TUSC3: variants seen among roughly 807,000 people sequenced by gnomAD.
The protein encoded by TUSC3 is dolichyl-diphosphooligosaccharide--protein glycosyltransferase subunit TUSC3.
TUSC3 carries 45 observed loss-of-function variants against 44.8 expected under a neutral mutation model. The ratio of observed to expected loss-of-function variants is 1.00; its 90% CI spans 0.79 to 1.29. TUSC3 has a LOEUF of 1.29. TUSC3 is among the 50% of genes most tolerant of loss of function. TUSC3 has a pLI of 0.00. For synonymous variants in TUSC3, 212 were observed against 152.9 expected (o/e 1.39, Z -2.85); for missense variants, 519 against 437.9 (o/e 1.19, Z -1.65).
intron 1 of TUSC3, among the ~76,000 whole-genome samples, chr8:15,460,725 C>G (rs749686689): frequency 5.9e-5 from 9 of 152,120 alleles, no homozygotes; most frequent in Non-Finnish European, 1.3e-4. Context: ...AGATGAGGAT[C>G]CAGTTTCATT....
chr8:15,642,086 A>C (rs1029821702), intron 2 of TUSC3, among the ~76,000 whole-genome samples: 1 of 152,186 alleles, frequency 6.6e-6, no homozygotes, highest in Non-Finnish European at 1.5e-5. Context: ...ACATTTCTTC[A>C]GTGTTTAGCA....
At chr8:15,446,198 C>T (rs1182873692) in intron 1 of TUSC3, among the ~76,000 whole-genome samples, 5 of 150,468 alleles carry the variant, frequency 3.3e-5, no homozygotes, top group African/African-American at 1.2e-4. Flanking sequence ...CTCCCCACAT[C>T]TCAGACGTTG....
chr8:15,539,345 CTTTTT>C (rs35685582), upstream of TUSC3, among the ~76,000 whole-genome samples: 397 of 69,394 alleles, frequency 5.7e-3, no homozygotes, highest in African/African-American at 0.022. Context: ...TGCTATGGTT[CTTTTT>C]TTTTTTTTTT....
At chr8:15,841,596 C>G in the TUSC3 span, among the ~76,000 whole-genome samples, 1 of 151,990 alleles carries the variant, frequency 6.6e-6, no homozygotes, top group Non-Finnish European at 1.5e-5. Context: ...TCACTGCAAC[C>G]CCTGCCTCCC....
chr8:15,423,854 T>C (rs574773267), intron 1 of TUSC3, among the ~76,000 whole-genome samples: 1 of 152,206 alleles, frequency 6.6e-6, no homozygotes, highest in African/African-American at 2.4e-5. Flanking sequence ...AAGGCTCAGT[T>C]TGTTTCTCTA....
intron 1 of TUSC3, among the ~76,000 whole-genome samples, chr8:15,552,183 A>G (rs1418026416): frequency 1.3e-5 from 2 of 151,866 alleles, no homozygotes; most frequent in African/African-American, 4.8e-5. Context: ...GATGTAAGCA[A>G]TACAAAATAA....
At chr8:15,468,826 C>G (rs779285978) in intron 1 of TUSC3, among the ~76,000 whole-genome samples, 1 of 151,590 alleles carries the variant, frequency 6.6e-6, no homozygotes, top group South Asian at 2.1e-4. Flanking sequence ...AAATATTTAC[C>G]AAATATCTTT....
chr8:15,676,477 T>A (rs1399855229), intron 6 of TUSC3, among the ~76,000 whole-genome samples: 1 of 152,212 alleles, frequency 6.6e-6, no homozygotes, highest in Non-Finnish European at 1.5e-5. Context: ...TTAGTTTAAT[T>A]AGGTCCCACT....
At chr8:15,662,047 G>T in intron 4 of TUSC3, 109 bp from the exon 5 acceptor site, 1 of 1,214,030 alleles carries the variant, frequency 8.2e-7, no homozygotes, top group Non-Finnish European at 1.2e-6. Context: ...GAAAAGTTGG[G>T]TGGCATGTTT....
chr8:15,459,620 T>C (rs1800313828), intron 1 of TUSC3, among the ~76,000 whole-genome samples: 1 of 152,038 alleles, frequency 6.6e-6, no homozygotes, highest in Admixed American at 6.6e-5. Flanking sequence ...CTCGCCACCC[T>C]CCCACCCTTC....
At chr8:15,473,369 C>T (rs1235034804) in intron 1 of TUSC3, among the ~76,000 whole-genome samples, 1 of 152,188 alleles carries the variant, frequency 6.6e-6, no homozygotes, top group Non-Finnish European at 1.5e-5. Flanking sequence ...CCTGTCCTTG[C>T]TAGTAGAATA....
the TUSC3 span, among the ~76,000 whole-genome samples, chr8:15,814,507 A>G: frequency 2.6e-5 from 4 of 152,178 alleles, no homozygotes. Context: ...TGATTCAACA[A>G]TTAGTACATT....
intron 6 of TUSC3, among the ~76,000 whole-genome samples, chr8:15,705,212 T>C (rs1809568301): frequency 6.6e-6 from 1 of 151,976 alleles, no homozygotes; most frequent in Admixed American, 6.6e-5. Flanking sequence ...GACATTGATT[T>C]GATGATGAAA....
At chr8:15,656,636 C>A (rs1463128407) in intron 3 of TUSC3, among the ~76,000 whole-genome samples, 2 of 145,452 alleles carry the variant, frequency 1.4e-5, no homozygotes, top group African/African-American at 5.3e-5. Flanking sequence ...CGCAACAGCT[C>A]TCCCAGGCCC....
At chr8:15,524,278 T>C (rs1459514787) in intron 2 of TUSC3, among the ~76,000 whole-genome samples, 1 of 152,114 alleles carries the variant, frequency 6.6e-6, no homozygotes, top group African/African-American at 2.4e-5. Context: ...ATAATATATT[T>C]CAATATATCT....
intron 1 of TUSC3, among the ~76,000 whole-genome samples, chr8:15,604,963 A>C (rs532625513): frequency 6.6e-6 from 1 of 151,836 alleles, no homozygotes; most frequent in African/African-American, 2.4e-5. Flanking sequence ...TGCTTTCTTC[A>C]GTTTTTTGGT....
upstream of TUSC3, among the ~76,000 whole-genome samples, chr8:15,536,681 C>CAAAAAAAAAAAAAAAAAAA (rs570573410): frequency 1.1e-4 from 5 of 45,602 alleles, 1 homozygote; most frequent in Non-Finnish European, 1.7e-4. Flanking sequence ...GATTCCGTCT[C>CAAAAAAAAAAAAAAAAAAA]AAAAAAAAAA....
the TUSC3 span, among the ~76,000 whole-genome samples, chr8:15,814,652 A>G: frequency 2.6e-5 from 4 of 152,132 alleles, no homozygotes; most frequent in Non-Finnish European, 5.9e-5. Flanking sequence ...TTAGTCTTTT[A>G]TATTTGTTTC....
intron 2 of TUSC3, among the ~76,000 whole-genome samples, chr8:15,534,821 G>T (rs1801501195): frequency 6.6e-6 from 1 of 152,196 alleles, no homozygotes; most frequent in Admixed American, 6.5e-5. Context: ...ACAGGAATCA[G>T]AAGTGAGGTA....
Sources: gnomAD v4.1 joint callset for allele counts (sites outside exome capture counted in the v4.1 genomes callset) on GRCh38, gnomAD v4.1.1 for gene constraint, MANE v1.5 for transcripts, NCBI Gene and HGNC (gene_info 2026-07-23, HGNC 2026-07-21) for gene names.